PARD3B: variants seen among roughly 807,000 people sequenced by gnomAD.
The protein encoded by PARD3B is partitioning defective 3 homolog B.
Under a neutral mutation model 130.2 loss-of-function variants are expected in PARD3B, and 103 were observed. The ratio of observed to expected loss-of-function variants is 0.79; its 90% CI spans 0.67 to 0.93. The LOEUF (loss-of-function observed/expected upper bound fraction) is 0.93, where lower values mean the gene tolerates loss of function less well. PARD3B is among the 40% of genes least tolerant of loss of function. The pLI is 0.00. For missense variants in PARD3B, 1,609 were observed against 1,499.2 expected (o/e 1.07, Z -1.21); for synonymous variants, 583 against 553.2 (o/e 1.05, Z -0.76).
intron 22 of PARD3B, among the ~76,000 whole-genome samples, chr2:205,581,972 A>G (rs1302248988): frequency 1.3e-5 from 2 of 152,094 alleles, no homozygotes; most frequent in East Asian, 3.9e-4. Context: ...TGCTGTCTTC[A>G]TTTCTGGTTG....
chr2:205,247,268 G>A (rs1333855226), intron 16 of PARD3B, among the ~76,000 whole-genome samples: 1 of 152,086 alleles, frequency 6.6e-6, no homozygotes, highest in Non-Finnish European at 1.5e-5. Flanking sequence ...CTATTAGGTG[G>A]CAATTAAAAG....
intron 10 of PARD3B, among the ~76,000 whole-genome samples, chr2:205,147,710 T>C (rs1475159432): frequency 6.6e-6 from 1 of 152,192 alleles, no homozygotes; most frequent in Non-Finnish European, 1.5e-5. Context: ...GATACAGATT[T>C]CAGGAAGTCA....
chr2:204,953,414 CACACACAG>C (rs1225403760), intron 2 of PARD3B, among the ~76,000 whole-genome samples: 2 of 106,366 alleles, frequency 1.9e-5, no homozygotes, highest in African/African-American at 8.0e-5. Context: ...TTAACATACA[CACACACAG>C]AGAGAGAGAG....
chr2:205,124,276 A>C, intron 8 of PARD3B, 51 bp from the exon 9 acceptor site: 4 of 1,385,478 alleles, frequency 2.9e-6, no homozygotes, highest in Non-Finnish European at 3.8e-6. Context: ...ACTGAATATA[A>C]TATTACTCAT....
chr2:205,559,569 T>C (rs1033851147), intron 22 of PARD3B, among the ~76,000 whole-genome samples: 5 of 151,860 alleles, frequency 3.3e-5, no homozygotes, highest in Admixed American at 6.6e-5. Context: ...GGATGTATCT[T>C]TTCTCTGAAA....
At chr2:204,737,322 T>C (rs1306488624) in intron 2 of PARD3B, among the ~76,000 whole-genome samples, 1 of 152,206 alleles carries the variant, frequency 6.6e-6, no homozygotes, top group Non-Finnish European at 1.5e-5. Context: ...GTGGTTTTAA[T>C]TTGCATTTCC....
chr2:204,799,287 G>T lies in PARD3B; in HGVS notation c.222+113005G>T, dbSNP rs1302961914. ...GGCTGCAGGGAAACTCCCTCTGCAT[G>T]AAGAAAGGACAGGGAAGAGTGGGGA... On this transcript the variant is annotated intron_variant, in intron 2 of 22. Coordinates refer to ENST00000406610, the MANE Select transcript of PARD3B (RefSeq NM_001302769.2). This position sits in a 1 kb window ranked among gnomAD's most constrained non-coding sequence, Gnocchi z 4.1. Among the ~76,000 whole-genome samples, 1 of 152,180 alleles carries T rather than the reference G, an allele frequency of 6.6e-6. No individual in the cohort carries two copies. The highest frequency in any genetic ancestry group is 6.5e-5 in the Admixed American group (1 of 15,284).
chr2:204,695,574 T>C (rs936365366), intron 2 of PARD3B, among the ~76,000 whole-genome samples: 1 of 152,110 alleles, frequency 6.6e-6, no homozygotes, highest in African/African-American at 2.4e-5. Flanking sequence ...GTTCTCATGT[T>C]TATAAAGTCA....
chr2:204,816,869 T>A lies in PARD3B; in HGVS notation c.222+130587T>A, dbSNP rs181474757. ...TTTTAGAGAACAATTACATGTGTATTCAGCTCCTTTAAGCTGCCCCACAGC... is the reference window on the plus strand; with the variant it reads ...TTTTAGAGAACAATTACATGTGTATACAGCTCCTTTAAGCTGCCCCACAGC... On this transcript the variant is annotated intron_variant, in intron 2 of 22. Coordinates refer to ENST00000406610, the MANE Select transcript of PARD3B (RefSeq NM_001302769.2). 6.8e-3 allele frequency among the ~76,000 whole-genome samples: 1,034 copies of A among 152,196 alleles called. 10 individuals carry two copies. Among genetic ancestry groups the A allele is most frequent in the African/African-American group, 0.023 (938 of 41,550 alleles).
intron 2 of PARD3B, among the ~76,000 whole-genome samples, chr2:204,724,355 G>A (rs932264359): frequency 2.6e-5 from 4 of 152,044 alleles, no homozygotes; most frequent in Non-Finnish European, 4.4e-5. Flanking sequence ...CAAATCTTAC[G>A]GTTGATTCAG....
rs1253817552 is a variant in PARD3B at position 204,623,780 on chromosome 2, G to T, written c.121-62401G>T. ...AACTGAATTATGTTGCATAAATGAA[G>T]AATTTATACCCATTGAATAGCAACT... On this transcript the variant is annotated intron_variant, in intron 1 of 22. Coordinates refer to ENST00000406610, the MANE Select transcript of PARD3B (RefSeq NM_001302769.2). This position sits in a 1 kb window ranked among gnomAD's most constrained non-coding sequence, Gnocchi z 4.5. Among the ~76,000 whole-genome samples the T allele has an allele frequency of 6.6e-6, 1 of 152,130 alleles. No individual in the cohort carries two copies. Among genetic ancestry groups the T allele is most frequent in the Admixed American group, 6.6e-5 (1 of 15,258 alleles).
At chr2:205,040,775 C>G (rs1453812325) in intron 3 of PARD3B, among the ~76,000 whole-genome samples, 1 of 151,970 alleles carries the variant, frequency 6.6e-6, no homozygotes, top group Non-Finnish European at 1.5e-5. Flanking sequence ...TCATATTTAT[C>G]TTGTTATCCT....
chr2:205,466,781 C>T (rs1476217639), intron 20 of PARD3B, among the ~76,000 whole-genome samples: 1 of 152,224 alleles, frequency 6.6e-6, no homozygotes. Context: ...GGCGCAATCT[C>T]GGCTCACTGC....
At chr2:204,784,016 G>A (rs1559141788) in intron 2 of PARD3B, among the ~76,000 whole-genome samples, 1 of 151,980 alleles carries the variant, frequency 6.6e-6, no homozygotes, top group Non-Finnish European at 1.5e-5. Flanking sequence ...GTTCAGAAGT[G>A]TATTTTTCTG....
chr2:205,173,086 A>T (rs2035268686), intron 12 of PARD3B, among the ~76,000 whole-genome samples: 1 of 152,160 alleles, frequency 6.6e-6, no homozygotes, highest in Non-Finnish European at 1.5e-5. Flanking sequence ...GCTAAGAAGA[A>T]AAAGTTAATA....
intron 3 of PARD3B, among the ~76,000 whole-genome samples, chr2:205,041,113 T>A (rs1452688665): frequency 6.6e-6 from 1 of 152,200 alleles, no homozygotes; most frequent in Non-Finnish European, 1.5e-5. Flanking sequence ...CCATTAATAG[T>A]TCTTTACTGA....
chr2:204,819,252 T>C (rs1158913380), intron 2 of PARD3B, among the ~76,000 whole-genome samples: 5 of 152,236 alleles, frequency 3.3e-5, no homozygotes, highest in Non-Finnish European at 7.3e-5. Flanking sequence ...CAGCATGTGC[T>C]TGCTTCACAT....
chr2:204,569,581 C>T (rs902002548), intron 1 of PARD3B, among the ~76,000 whole-genome samples: 1 of 152,078 alleles, frequency 6.6e-6, no homozygotes, highest in Non-Finnish European at 1.5e-5. Flanking sequence ...GCCTAGCATT[C>T]TTAGTTTTGG....
chr2:204,884,207 G>A (rs532817401), intron 2 of PARD3B, among the ~76,000 whole-genome samples: 1 of 152,246 alleles, frequency 6.6e-6, no homozygotes, highest in African/African-American at 2.4e-5. Flanking sequence ...TGAGAGAAGA[G>A]CCAATGGGGT....
Sources: allele counts gnomAD v4.1 joint callset (sites outside exome capture counted in the v4.1 genomes callset), GRCh38; gene constraint gnomAD v4.1.1; non-coding constraint Gnocchi (gnomAD v3.1); transcripts MANE v1.5; gene names NCBI Gene and HGNC (gene_info 2026-07-23, HGNC 2026-07-21).